Variants in VKORC1L1 observed in about 807,000 individuals in gnomAD.
VKORC1L1 encodes the protein vitamin K epoxide reductase complex subunit 1L1.
Under a neutral mutation model 18.9 loss-of-function variants are expected in VKORC1L1, and 2 were observed. The observed-to-expected ratio is 0.11, with a 90% CI of 0.04 to 0.33. VKORC1L1 has a LOEUF of 0.33. Ranked by LOEUF, VKORC1L1 falls within the 10% of genes least tolerant of loss-of-function variation. The probability of loss-of-function intolerance (pLI) is 1.00; values close to 1 mark genes in which losing one functional copy is unlikely to be tolerated. For missense variants in VKORC1L1, 123 were observed against 224.1 expected (o/e 0.55, Z 2.88); for synonymous variants, 96 against 100.0 (o/e 0.96, Z 0.24).
Position 65,954,396 on chromosome 7 carries a change from AAC to A in VKORC1L1, c.*98_*99del. 7.2e-7 allele frequency: 1 copy of A among 1,384,062 alleles called. No individual in the cohort carries two copies. Among genetic ancestry groups the A allele is most frequent in the Non-Finnish European group, 9.5e-7 (1 of 1,056,084 alleles). The allele number at this position is 1,384,062 out of a possible 1,614,324, so 85.7% of individuals were successfully genotyped here. A position where few individuals can be genotyped will look rare whatever the true frequency, so the allele number is the denominator to read the frequency against. ...TATTATTATTATTATTATTATTCAC[AAC>A]AGACACTTTCCCTAAGAATCTCAAA... On this transcript the variant is annotated 3_prime_UTR_variant, in exon 3 of 3. Transcript: ENST00000360768.
intron 1 of VKORC1L1, among the ~76,000 whole-genome samples, chr7:65,888,066 A>G (rs1291786004): frequency 6.6e-6 from 1 of 152,212 alleles, no homozygotes; most frequent in African/African-American, 2.4e-5. Context: ...TTTTCTGAGA[A>G]GTAGGTAAAC....
chr7:65,900,190 C>T (rs1789289924), intron 1 of VKORC1L1, among the ~76,000 whole-genome samples: 1 of 150,492 alleles, frequency 6.6e-6, no homozygotes, highest in Non-Finnish European at 1.5e-5. Context: ...GAGATCGAGA[C>T]AATCCTGGCT....
intron 1 of VKORC1L1, among the ~76,000 whole-genome samples, chr7:65,908,389 G>T (rs1300646634): frequency 6.6e-6 from 1 of 152,078 alleles, no homozygotes; most frequent in East Asian, 1.9e-4. Context: ...CTCCAGCTTG[G>T]GTGACAGAGC....
chr7:65,901,081 AAG>A (rs1460750210), intron 1 of VKORC1L1, among the ~76,000 whole-genome samples: 1 of 152,242 alleles, frequency 6.6e-6, no homozygotes, highest in African/African-American at 2.4e-5. Context: ...ATGATAATCA[AAG>A]AGATAGGAGA....
intron 1 of VKORC1L1, among the ~76,000 whole-genome samples, chr7:65,880,195 A>G (rs1788905153): frequency 1.3e-5 from 2 of 152,224 alleles, no homozygotes; most frequent in Admixed American, 1.3e-4. Flanking sequence ...TAATATTGAT[A>G]GAGTGATAAC....
intron 1 of VKORC1L1, among the ~76,000 whole-genome samples, chr7:65,893,810 G>A (rs1789146563): frequency 6.6e-6 from 1 of 152,190 alleles, no homozygotes; most frequent in Non-Finnish European, 1.5e-5. Flanking sequence ...TTTATGTCTT[G>A]ATATCCAGTG....
In VKORC1L1 at chr7:65,902,220, A is replaced by C. The variant is rs1789330631; in HGVS notation, c.194+28655A>C. 2.0e-5 allele frequency among the ~76,000 whole-genome samples: 3 copies of C among 152,372 alleles called. No homozygotes were observed. The South Asian group carries it at 6.2e-4, about 32-fold the overall frequency. On this transcript the variant is annotated intron_variant, in intron 1 of 2. Coordinates refer to ENST00000360768, the MANE Select transcript of VKORC1L1 (RefSeq NM_173517.6). ...ATCCAGAAATGACAGAGATGATGGA[A>C]TTAACAGACAAAGACATGAAAACAG...
chr7:65,913,167 C>T (rs1263482010), intron 1 of VKORC1L1, among the ~76,000 whole-genome samples: 1 of 152,172 alleles, frequency 6.6e-6, no homozygotes, highest in Non-Finnish European at 1.5e-5. Context: ...GCTGCTATAA[C>T]TATGAAAAAT....
At chr7:65,935,454 C>T (rs749302729) in intron 1 of VKORC1L1, among the ~76,000 whole-genome samples, 5 of 151,944 alleles carry the variant, frequency 3.3e-5, no homozygotes, top group Non-Finnish European at 7.4e-5. Flanking sequence ...GAATTACAGA[C>T]GCACGCCACC....
chr7:65,956,332 T>C lies in VKORC1L1; in HGVS notation c.*2032T>C, dbSNP rs2115767553. 1 of 152,312 alleles carries C rather than the reference T, an allele frequency of 6.6e-6. No individual in the cohort carries two copies. Among genetic ancestry groups the C allele is most frequent in the East Asian group, 1.9e-4 (1 of 5,188 alleles). 9.4% of individuals were successfully genotyped at this position (152,312 alleles called of 1,614,324 possible). On this transcript the variant is annotated 3_prime_UTR_variant, in exon 3 of 3. Transcript: ENST00000360768. ...AAAACTGTGGTATACATGACATCGG[T>C]TGTGCTAAACAAGTTCCTCGTGTCC... is the stretch of plus-strand genomic sequence containing the variant.
At chr7:65,929,352 C>T (rs1302046236) in intron 1 of VKORC1L1, among the ~76,000 whole-genome samples, 2 of 152,066 alleles carry the variant, frequency 1.3e-5, no homozygotes, top group African/African-American at 4.8e-5. Flanking sequence ...GCAGAGGTTG[C>T]AGTGAGCCGA....
At chr7:65,904,688 C>T (rs549702224) in intron 1 of VKORC1L1, among the ~76,000 whole-genome samples, 2 of 152,042 alleles carry the variant, frequency 1.3e-5, no homozygotes, top group East Asian at 3.9e-4. Flanking sequence ...TAAAAGAATG[C>T]AAGACATATG....
At chr7:65,941,107 A>G (rs570203483) in intron 1 of VKORC1L1, among the ~76,000 whole-genome samples, 22 of 152,070 alleles carry the variant, frequency 1.4e-4, no homozygotes, top group African/African-American at 5.1e-4. Context: ...GCAAAGTTCT[A>G]TTTCTTTTTT....
At chr7:65,926,165 T>C (rs1789761015) in intron 1 of VKORC1L1, among the ~76,000 whole-genome samples, 1 of 151,032 alleles carries the variant, frequency 6.6e-6, no homozygotes, top group East Asian at 1.9e-4. Flanking sequence ...ATTATTATTA[T>C]TATTATTTGA....
intron 1 of VKORC1L1, among the ~76,000 whole-genome samples, chr7:65,922,324 A>G (rs1036283596): frequency 4.7e-5 from 7 of 148,846 alleles, no homozygotes; most frequent in Non-Finnish European, 7.4e-5. Flanking sequence ...CACCCAGGCT[A>G]GAGTGCAGTG....
At chr7:65,885,666 A>G (rs982960327) in intron 1 of VKORC1L1, among the ~76,000 whole-genome samples, 1 of 152,002 alleles carries the variant, frequency 6.6e-6, no homozygotes, top group Non-Finnish European at 1.5e-5. Context: ...ACTTGTTCAT[A>G]TTTCAAATGC....
At chr7:65,910,486 A>G (rs3112837) in intron 1 of VKORC1L1, among the ~76,000 whole-genome samples, 1 of 152,340 alleles carries the variant, frequency 6.6e-6, no homozygotes, top group African/African-American at 2.4e-5. Flanking sequence ...ATTCTTGTAT[A>G]CAAAATTCCA....
At chr7:65,887,071 A>G (rs1414007541) in intron 1 of VKORC1L1, among the ~76,000 whole-genome samples, 5 of 151,002 alleles carry the variant, frequency 3.3e-5, no homozygotes, top group Admixed American at 3.3e-4. Flanking sequence ...GGATGGTCTC[A>G]ATCTCCTGAC....
At chr7:65,893,512 C>T (rs1789141910) in intron 1 of VKORC1L1, among the ~76,000 whole-genome samples, 1 of 152,124 alleles carries the variant, frequency 6.6e-6, no homozygotes, top group African/African-American at 2.4e-5. Context: ...CACTGCACTC[C>T]AGCCTGGGTG....
Sources: allele counts gnomAD v4.1 joint callset (sites outside exome capture counted in the v4.1 genomes callset), GRCh38; gene constraint gnomAD v4.1.1; transcripts MANE v1.5; gene names NCBI Gene and HGNC (gene_info 2026-07-23, HGNC 2026-07-21).